DENND1A: variants seen among roughly 807,000 people sequenced by gnomAD.
DENND1A encodes the protein DENN domain containing 1A.
DENND1A carries 51 observed loss-of-function variants against 113.7 expected under a neutral mutation model. The observed-to-expected ratio is 0.45, with a 90% CI of 0.36 to 0.57. DENND1A has a LOEUF of 0.57. Among genes scored for constraint, DENND1A ranks in the 20% least tolerant of loss-of-function variants. The pLI, the probability that DENND1A is intolerant of heterozygous loss-of-function variation, is 0.00. For synonymous variants in DENND1A, 565 were observed against 570.8 expected, an observed-to-expected ratio of 0.99 and a Z score of 0.14; for missense variants, 1,258 against 1,395.9, an observed-to-expected ratio of 0.90 and a Z score of 1.57.
Position 123,887,790 on chromosome 9 carries a change from G to A in DENND1A, c.18-8769C>T, listed in dbSNP as rs748696461. 1.3e-4 allele frequency among the ~76,000 whole-genome samples: 20 copies of A among 152,212 alleles called. No individual in the cohort carries two copies. The South Asian group carries it at 1.9e-3, about 14-fold the overall frequency. ...CACACAGGGTGGAGGTGAAGGGGCC[G>A]TGTGCCTAATCTGAACCCAAGGCTA... On this transcript the variant is annotated intron_variant, in intron 1 of 23. Coordinates refer to ENST00000394215, the MANE Select transcript of DENND1A (RefSeq NM_001352964.2).
intron 11 of DENND1A, among the ~76,000 whole-genome samples, chr9:123,603,375 T>C (rs2137467729): frequency 6.6e-6 from 1 of 152,312 alleles, no homozygotes; most frequent in Non-Finnish European, 1.5e-5. Context: ...AACCTTGTTG[T>C]AGACATAGAC....
chr9:123,601,504 G>A (rs1305182860), intron 11 of DENND1A, among the ~76,000 whole-genome samples: 4 of 152,206 alleles, frequency 2.6e-5, no homozygotes, highest in Non-Finnish European at 5.9e-5. Context: ...GGAAGCTTCT[G>A]GATGGTACGA....
At chr9:123,782,228 TA>T (rs1831430081) in intron 3 of DENND1A, among the ~76,000 whole-genome samples, 1 of 152,172 alleles carries the variant, frequency 6.6e-6, no homozygotes, top group Admixed American at 6.6e-5. Context: ...CCAGAAATGA[TA>T]AGTATCTGGC....
chr9:123,582,403 C>CTT (rs1239970444), intron 12 of DENND1A, among the ~76,000 whole-genome samples: 9 of 144,202 alleles, frequency 6.2e-5, no homozygotes, highest in African/African-American at 7.6e-5. Flanking sequence ...TTCTAACTTT[C>CTT]TTTTTTTTTT....
chr9:123,684,215 A>G (rs1194116000), intron 5 of DENND1A, among the ~76,000 whole-genome samples: 1 of 152,032 alleles, frequency 6.6e-6, no homozygotes, highest in East Asian at 1.9e-4. Flanking sequence ...GCACACGTGA[A>G]CCCTTAAAAT....
chr9:123,395,994 T>C (rs1268391337), intron 21 of DENND1A, among the ~76,000 whole-genome samples: 1 of 151,858 alleles, frequency 6.6e-6, no homozygotes, highest in African/African-American at 2.4e-5. Context: ...TGTGTGTGTG[T>C]GTGCACGCGT....
chr9:123,528,121 C>G (rs1213080329), intron 13 of DENND1A, among the ~76,000 whole-genome samples: 2 of 152,142 alleles, frequency 1.3e-5, no homozygotes, highest in Admixed American at 6.5e-5. Context: ...CACACATGAC[C>G]AGCACTCCAT....
intron 5 of DENND1A, among the ~76,000 whole-genome samples, chr9:123,703,209 G>A (rs1005455180): frequency 6.6e-6 from 1 of 152,094 alleles, no homozygotes; most frequent in African/African-American, 2.4e-5. Context: ...GGTTGGTCTC[G>A]AACTCCTGGA....
intron 11 of DENND1A, among the ~76,000 whole-genome samples, chr9:123,607,082 G>A (rs778320754): frequency 6.6e-6 from 1 of 152,116 alleles, no homozygotes. Context: ...AGGCTGGAAG[G>A]CTCCTCCTCA....
chr9:123,914,938 A>G (rs1259469401), intron 1 of DENND1A, among the ~76,000 whole-genome samples: 1 of 151,968 alleles, frequency 6.6e-6, no homozygotes, highest in Non-Finnish European at 1.5e-5. Flanking sequence ...AACCATCTCA[A>G]CCTGAGTCCC....
intron 13 of DENND1A, among the ~76,000 whole-genome samples, chr9:123,480,116 G>A (rs1464837824): frequency 6.6e-6 from 1 of 152,202 alleles, no homozygotes; most frequent in Non-Finnish European, 1.5e-5. Context: ...CTTTCTAAAT[G>A]TTCTTATCCC....
Position 123,460,084 on chromosome 9 carries a change from A to G in DENND1A, c.994-2187T>C, listed in dbSNP as rs188772906. 3.6e-4 allele frequency among the ~76,000 whole-genome samples: 55 copies of G among 152,324 alleles called. 1 individual carries two copies. The highest frequency in any genetic ancestry group is 1.3e-4 in the Non-Finnish European group (9 of 68,032). On this transcript the variant is annotated intron_variant, in intron 13 of 23. Coordinates refer to ENST00000394215, the MANE Select transcript of DENND1A (RefSeq NM_001352964.2). The stretch of plus-strand genomic sequence containing the variant: ...GGTATGTATGTCCTATGTGGCATCT[A>G]AGTTAAGTTACAAAATTAGCTCTGA...
intron 5 of DENND1A, among the ~76,000 whole-genome samples, chr9:123,740,759 C>A (rs1409777062): frequency 3.9e-5 from 6 of 152,062 alleles, no homozygotes; most frequent in African/African-American, 1.5e-4. Flanking sequence ...TCACATGGCT[C>A]GTAAGTCAGA....
chr9:123,863,536 T>A (rs548998842), intron 2 of DENND1A, among the ~76,000 whole-genome samples: 1 of 152,212 alleles, frequency 6.6e-6, no homozygotes, highest in Admixed American at 6.5e-5. Flanking sequence ...TTCGAACACT[T>A]GTTAAACTCG....
chr9:123,788,578 T>C (rs975513534), intron 3 of DENND1A, among the ~76,000 whole-genome samples: 1 of 152,156 alleles, frequency 6.6e-6, no homozygotes, highest in Non-Finnish European at 1.5e-5. Flanking sequence ...CTTAATTAAC[T>C]ACAAGACTAT....
chr9:123,725,800 T>C (rs922319708), intron 5 of DENND1A, among the ~76,000 whole-genome samples: 3 of 152,216 alleles, frequency 2.0e-5, no homozygotes, highest in African/African-American at 7.2e-5. Flanking sequence ...ACTTCAAAGG[T>C]GGCATAACTT....
intron 8 of DENND1A, 30 bp from the exon 9 acceptor site, chr9:123,652,153 G>T: frequency 6.3e-7 from 1 of 1,577,714 alleles, no homozygotes; most frequent in Non-Finnish European, 8.7e-7. Flanking sequence ...ACGGTTTGTG[G>T]CTGATTTTCT....
rs536184341 is a variant in DENND1A, at chr9:123,871,364, G to A, written c.88+7587C>T. Among the ~76,000 whole-genome samples the A allele has an allele frequency of 4.6e-5, 7 of 152,240 alleles. No individual in the cohort carries two copies. The South Asian group carries it at 1.2e-3, about 27-fold the overall frequency. On this transcript the variant is annotated intron_variant, in intron 2 of 23. Transcript: ENST00000394215. ...CTCCCAAAGTGCTAGGATTACAGGC[G>A]TGAGACACTACACCCAGCCAGCATC... is the stretch of plus-strand genomic sequence containing the variant.
chr9:123,382,406 T>G lies in DENND1A; in HGVS notation c.2239A>C (p.Lys747Gln). Residue 747 changes from lysine to glutamine, a missense_variant, in exon 24 of 24, where the codon AAG becomes CAG. Physicochemically the swap from Lys to Gln is moderately conservative, Grantham distance 53 (BLOSUM62 1). Around this residue, in one of 2 missense-constraint regions of DENND1A, gnomAD observed 1,159 missense variants for 1,231.7 expected, o/e 0.94. Transcript: ENST00000394215. ...NRDSILNPSDKEEVPTPTLGS... is the reference protein window; with the variant it reads ...NRDSILNPSDQEEVPTPTLGS... ...AGAGTAGGGGTGGGCACCTCCTCCT[T>G]GTCACTGGGGTTCAGGATGCTGTCC... The G allele has an allele frequency of 1.2e-6, 2 of 1,601,520 alleles. No individual in the cohort carries two copies. Among genetic ancestry groups the G allele is most frequent in the Non-Finnish European group, 1.7e-6 (2 of 1,173,494 alleles).
Sources: allele counts gnomAD v4.1 joint callset (sites outside exome capture counted in the v4.1 genomes callset), GRCh38; gene constraint gnomAD v4.1.1; regional missense constraint gnomAD v4.1.1; transcripts MANE v1.5; gene names NCBI Gene and HGNC (gene_info 2026-07-23, HGNC 2026-07-21).